RABGAP1L: variants seen among roughly 807,000 people sequenced by gnomAD.
RABGAP1L encodes the protein RAB GTPase activating protein 1 like.
Under a neutral mutation model 137.7 loss-of-function variants are expected in RABGAP1L, and 63 were observed. That is an observed-to-expected ratio of 0.46 (90% CI 0.37 to 0.56). RABGAP1L has a LOEUF of 0.56. RABGAP1L is among the 20% of genes least tolerant of loss of function. The probability of loss-of-function intolerance (pLI) is 0.00; values close to 1 mark genes in which losing one functional copy is unlikely to be tolerated. For missense variants in RABGAP1L, 1,095 were observed against 1,244.0 expected, an observed-to-expected ratio of 0.88 and a Z score of 1.80; for synonymous variants, 431 against 433.7, an observed-to-expected ratio of 0.99 and a Z score of 0.08.
chr1:174,339,629 C>T (rs1013498490), intron 11 of RABGAP1L, among the ~76,000 whole-genome samples: 11 of 150,304 alleles, frequency 7.3e-5, no homozygotes, highest in East Asian at 2.0e-4. Flanking sequence ...TTTTTTGAGA[C>T]GGAGTCTCAC....
intron 13 of RABGAP1L, among the ~76,000 whole-genome samples, chr1:174,526,112 G>T (rs1027644442): frequency 7.2e-5 from 11 of 152,022 alleles, no homozygotes; most frequent in African/African-American, 2.7e-4. Context: ...CTTTGCCCAT[G>T]TTTTAATGGG....
intron 13 of RABGAP1L, among the ~76,000 whole-genome samples, chr1:174,541,484 A>G (rs1427081274): frequency 1.3e-5 from 2 of 152,170 alleles, no homozygotes; most frequent in East Asian, 3.9e-4. Context: ...TAGTTTATTA[A>G]GAGTTTTTAG....
At chr1:174,760,859 T>C (rs1685162935) in intron 18 of RABGAP1L, among the ~76,000 whole-genome samples, 1 of 152,212 alleles carries the variant, frequency 6.6e-6, no homozygotes, top group South Asian at 2.1e-4. Context: ...TTTAATACTA[T>C]TAAAGCAGAT....
intron 13 of RABGAP1L, among the ~76,000 whole-genome samples, chr1:174,635,147 T>A (rs1673872475): frequency 6.6e-6 from 1 of 152,202 alleles, no homozygotes; most frequent in African/African-American, 2.4e-5. Context: ...AATTTTTCTT[T>A]TCCTGAATCA....
At chr1:174,944,862 T>A (rs930418000) in intron 19 of RABGAP1L, among the ~76,000 whole-genome samples, 1 of 152,202 alleles carries the variant, frequency 6.6e-6, no homozygotes, top group Non-Finnish European at 1.5e-5. Context: ...TACATTAGTT[T>A]CAAATTAAAT....
At chr1:174,325,447 G>T (rs1265619439) in intron 11 of RABGAP1L, among the ~76,000 whole-genome samples, 1 of 152,128 alleles carries the variant, frequency 6.6e-6, no homozygotes, top group African/African-American at 2.4e-5. Flanking sequence ...CTTCATAAAA[G>T]CTAAGGGAAC....
chr1:174,827,780 T>C (rs1292865257), intron 19 of RABGAP1L, among the ~76,000 whole-genome samples: 1 of 148,052 alleles, frequency 6.8e-6, no homozygotes, highest in Non-Finnish European at 1.5e-5. Flanking sequence ...TAATTTACCT[T>C]ACATACCCTG....
chr1:174,818,315 T>C (rs895373734), intron 19 of RABGAP1L, among the ~76,000 whole-genome samples: 2 of 152,170 alleles, frequency 1.3e-5, no homozygotes, highest in Non-Finnish European at 2.9e-5. Context: ...GGAAAAGGTG[T>C]TTGTTTTCAA....
chr1:174,726,746 A>T (rs1682020558), intron 17 of RABGAP1L, among the ~76,000 whole-genome samples: 1 of 152,204 alleles, frequency 6.6e-6, no homozygotes, highest in Non-Finnish European at 1.5e-5. Flanking sequence ...ATTTTGAAGC[A>T]CTACACATAA....
chr1:174,813,500 A>G (rs1395513851), intron 19 of RABGAP1L, among the ~76,000 whole-genome samples: 3 of 152,206 alleles, frequency 2.0e-5, no homozygotes, highest in African/African-American at 4.8e-5. Flanking sequence ...GTATAACACA[A>G]TCTTTTTAAA....
At chr1:174,464,140 T>C (rs1026414512) in intron 13 of RABGAP1L, among the ~76,000 whole-genome samples, 6 of 152,172 alleles carry the variant, frequency 3.9e-5, no homozygotes, top group Admixed American at 3.9e-4. Context: ...TTGGGACATA[T>C]CTTGCAGAGA....
At chr1:174,966,532 A>T (rs1669641828) in intron 20 of RABGAP1L, among the ~76,000 whole-genome samples, 1 of 152,214 alleles carries the variant, frequency 6.6e-6, no homozygotes, top group Non-Finnish European at 1.5e-5. Context: ...ATATATCAGA[A>T]ATAAAGGCTA....
chr1:174,867,532 C>G (rs975123970), intron 19 of RABGAP1L, among the ~76,000 whole-genome samples: 1 of 152,150 alleles, frequency 6.6e-6, no homozygotes, highest in African/African-American at 2.4e-5. Flanking sequence ...TGAATTGAAT[C>G]TCCTGTCTTT....
chr1:174,539,491 G>A lies in RABGAP1L; in HGVS notation c.1711-97884G>A, dbSNP rs541146681. On this transcript the variant is annotated intron_variant, in intron 13 of 25. Transcript: ENST00000681986. ...TGGTGTGTGATGTTCCCCACCCTGT[G>A]CCCAAGTGTTCTCATTGTTCAATTC... Among the ~76,000 whole-genome samples the A allele has an allele frequency of 4.6e-5, 7 of 152,144 alleles. No individual in the cohort carries two copies. The South Asian group carries it at 1.0e-3, about 23-fold the overall frequency.
intron 17 of RABGAP1L, among the ~76,000 whole-genome samples, chr1:174,710,501 G>C (rs1442457510): frequency 6.6e-6 from 1 of 152,194 alleles, no homozygotes; most frequent in Non-Finnish European, 1.5e-5. Flanking sequence ...CTGCAAGCTA[G>C]AAGAGAGTGG....
intron 13 of RABGAP1L, among the ~76,000 whole-genome samples, chr1:174,421,843 A>G (rs971629406): frequency 1.3e-5 from 2 of 152,312 alleles, no homozygotes; most frequent in Admixed American, 1.3e-4. Flanking sequence ...ATCTCGGCTC[A>G]CTGCAAACTC....
chr1:174,988,032 A>G (rs1217612370), intron 24 of RABGAP1L, among the ~76,000 whole-genome samples: 1 of 152,116 alleles, frequency 6.6e-6, no homozygotes, highest in Non-Finnish European at 1.5e-5. Context: ...GCTGGTCTCA[A>G]TCTCCTGACC....
rs142536057 is a variant in RABGAP1L at position 174,448,556 on chromosome 1, T to C, written c.1710+54411T>C. On this transcript the variant is annotated intron_variant, in intron 13 of 25. Coordinates refer to ENST00000681986, the MANE Select transcript of RABGAP1L (RefSeq NM_001366446.1). This position sits in a 1 kb window ranked among gnomAD's most constrained non-coding sequence, Gnocchi z 4.2. ...TCTTGCAATAACCAAGCCTCTTTCC[T>C]ACAATCAACTGGTCACCCCTTGTCG... is the stretch of plus-strand genomic sequence containing the variant. 6.2e-7 allele frequency: 1 copy of C among 1,613,450 alleles called. No individual in the cohort carries two copies. The highest frequency in any genetic ancestry group is 8.5e-7 in the Non-Finnish European group (1 of 1,179,408).
chr1:174,815,395 G>A (rs746575049), intron 19 of RABGAP1L, among the ~76,000 whole-genome samples: 40 of 152,198 alleles, frequency 2.6e-4, no homozygotes, highest in Non-Finnish European at 5.0e-4. Context: ...CTTATCCATA[G>A]CCTATTTAAG....
Sources: allele counts gnomAD v4.1 joint callset (sites outside exome capture counted in the v4.1 genomes callset), GRCh38; gene constraint gnomAD v4.1.1; non-coding constraint Gnocchi (gnomAD v3.1); transcripts MANE v1.5; gene names NCBI Gene and HGNC (gene_info 2026-07-23, HGNC 2026-07-21).